The following PRRC2A variants were observed in gnomAD, a reference collection of about 807,000 sequenced individuals.
The protein encoded by PRRC2A is proline rich coiled-coil 2A.
Under a neutral mutation model 224.6 loss-of-function variants are expected in PRRC2A, and 59 were observed. That is an observed-to-expected ratio of 0.26 (90% confidence interval 0.21 to 0.33). The LOEUF is 0.33. PRRC2A is among the 10% of genes least tolerant of loss of function. The probability of loss-of-function intolerance (pLI) is 1.00; values close to 1 mark genes in which losing one functional copy is unlikely to be tolerated. For missense variants in PRRC2A, 3,095 were observed against 2,880.7 expected (o/e 1.07, Z -1.70); for synonymous variants, 1,194 against 1,109.5 (o/e 1.08, Z -1.51).
intron 15 of PRRC2A, 23 bp downstream of exon 15, chr6:31,630,824 G>GGGTGAGTTT: frequency 6.2e-7 from 1 of 1,611,250 alleles, no homozygotes; most frequent in Non-Finnish European, 8.5e-7. Flanking sequence ...CATGAGAAAT[G>GGGTGAGTTT]GGTGAGTTCA....
In PRRC2A at chr6:31,636,204, T is replaced by C; in HGVS notation, c.5625-5T>C. 2 of 1,611,592 alleles carry C rather than the reference T, an allele frequency of 1.2e-6. No homozygotes were observed. The highest frequency in any genetic ancestry group is 1.7e-5 in the Admixed American group (1 of 60,004). ...ACAGCTTTTCTCCCCACAATTTATT[T>C]TCAGATCACAGCCCCTATACCTACC... On this transcript the variant is annotated splice_region_variant and splice_polypyrimidine_tract_variant and intron_variant, in intron 25 of 30. Transcript: ENST00000376033. The surrounding 1 kb of genome is among the most constrained non-coding windows in gnomAD (Gnocchi z 4.3).
chr6:31,630,844 G>A (rs1395896591), intron 15 of PRRC2A, 43 bp downstream of exon 15: 2 of 1,599,592 alleles, frequency 1.3e-6, no homozygotes. Flanking sequence ...ACAGTGAAAG[G>A]ATCTAGGCCT....
intron 13 of PRRC2A, 66 bp downstream of exon 13, chr6:31,629,400 C>T: frequency 4.0e-6 from 6 of 1,511,732 alleles, no homozygotes; most frequent in Non-Finnish European, 5.3e-6. Context: ...TAATTCTCTT[C>T]ATAAGTTACC....
intron 5 of PRRC2A, chr6:31,624,963 A>T (rs1165614040): frequency 3.3e-6 from 2 of 599,126 alleles, no homozygotes; most frequent in Non-Finnish European, 5.8e-6. Flanking sequence ...ACACCCAGCT[A>T]ATTTTTTGTG....
At chr6:31,633,803 A>T in intron 17 of PRRC2A, 56 bp from the exon 18 acceptor site, 1 of 1,543,700 alleles carries the variant, frequency 6.5e-7, no homozygotes, top group Non-Finnish European at 8.7e-7. Context: ...GTAGAGAGGA[A>T]AAGTTAGGGT....
Position 31,632,626 on chromosome 6 carries a change from A to T in PRRC2A, c.3953A>T (p.Asn1318Ile), listed in dbSNP as rs1458272312. Residue 1318 changes from asparagine (N) to isoleucine (I), a missense_variant, in exon 16 of 31, where the codon AAT becomes ATT. By Grantham distance (149) the Asn-to-Ile change is moderately radical (BLOSUM62 -3). Around this residue, in one of 8 missense-constraint regions of PRRC2A, gnomAD observed 2,001 missense variants for 1,764.9 expected, o/e 1.13. Transcript: ENST00000376033. ...DLSNQNSDQANEEWETASESS... is the reference protein window; with the variant it reads ...DLSNQNSDQAIEEWETASESS... ...TCAAACCAGAACTCAGACCAAGCCA[A>T]TGAGGAATGGGAGACTGCATCAGAG... The T allele has an allele frequency of 6.2e-7, 1 of 1,613,084 alleles. No individual in the cohort carries two copies. The highest frequency in any genetic ancestry group is 8.5e-7 in the Non-Finnish European group (1 of 1,180,022).
intron 14 of PRRC2A, among the ~76,000 whole-genome samples, chr6:31,630,114 C>G (rs1482016982): frequency 6.6e-6 from 1 of 152,100 alleles, no homozygotes; most frequent in African/African-American, 2.4e-5. Context: ...TTCAGGAGTT[C>G]GAGACCACCA....
chr6:31,626,263 T>C, intron 9 of PRRC2A, 101 bp downstream of exon 9: 1 of 1,396,528 alleles, frequency 7.2e-7, no homozygotes, highest in Non-Finnish European at 9.8e-7. Context: ...GACATTGAAG[T>C]GTAGGAAGAC....
At position 31,636,916 on chromosome 6, in the gene PRRC2A, C is replaced by T; in HGVS notation, c.6118C>T (p.Pro2040Ser). Reference sequence around the variant, plus strand: ...TCGGGTGCTGCCTTCACCTGCCAGGCCCTTCCCCGCTAGCTTGGGGCGAGC... The same window carrying T: ...TCGGGTGCTGCCTTCACCTGCCAGGTCCTTCCCCGCTAGCTTGGGGCGAGC... ...ATRVLPSPAR[P>S]FPASLGRAEL... The change falls in exon 28 of 31, where the codon CCC (proline) becomes TCC (serine). Residue 2040 changes from proline to serine, a missense_variant. Around this residue, in one of 8 missense-constraint regions of PRRC2A, gnomAD observed 662 missense variants for 609.5 expected, o/e 1.09. Coordinates refer to ENST00000376033, the MANE Select transcript of PRRC2A (RefSeq NM_004638.4). The surrounding 1 kb of genome is among the most constrained non-coding windows in gnomAD (Gnocchi z 4.3). 4.3e-6 allele frequency: 7 copies of T among 1,612,996 alleles called. No individual in the cohort carries two copies. Among genetic ancestry groups the T allele is most frequent in the South Asian group, 1.1e-5 (1 of 91,080 alleles).
intron 20 of PRRC2A, 92 bp downstream of exon 20, chr6:31,634,649 C>T (rs34490239): frequency 0.011 from 17,856 of 1,573,216 alleles, 174 homozygotes; most frequent in South Asian, 0.037. Flanking sequence ...TGGAGCTGTT[C>T]TCTCACTTGG....
chr6:31,621,622 G>C (rs1775305013), intron 1 of PRRC2A, among the ~76,000 whole-genome samples: 1 of 151,928 alleles, frequency 6.6e-6, no homozygotes, highest in Non-Finnish European at 1.5e-5. Flanking sequence ...TCACAGATTG[G>C]CCTCCTCAAA....
At chr6:31,623,646 A>C (rs1775566856) in intron 2 of PRRC2A, 86 bp from the exon 3 acceptor site, 9 of 1,411,958 alleles carry the variant, frequency 6.4e-6, no homozygotes, top group Non-Finnish European at 8.8e-6. Flanking sequence ...TAAAATATTC[A>C]ACATGTATAA....
chr6:31,632,801 A>G lies in PRRC2A; in HGVS notation c.4128A>G (p.Arg1376=). 3 of 1,613,096 alleles carry G rather than the reference A, an allele frequency of 1.9e-6. No individual in the cohort carries two copies. The highest frequency in any genetic ancestry group is 2.5e-6 in the Non-Finnish European group (3 of 1,180,004). Residue 1376 remains arginine (R), a synonymous_variant, in exon 16 of 31, where the codon AGA becomes AGG. Transcript: ENST00000376033. ...SAMSRGDLSQ[R]AKDLSKRSFS... ...TGTCCCGCGGAGATCTGAGCCAGAG[A>G]GCCAAGGATTTGAGTAAACGGAGCT...
chr6:31,633,512 A>G lies in PRRC2A; in HGVS notation c.4453A>G (p.Ser1485Gly). ...GIQQALAQLS[S>G]RQGSVTAPGG... The stretch of plus-strand genomic sequence containing the variant: ...CCAACAGGCTCTGGCCCAGCTTAGT[A>G]GCCGTCAAGGGAGTGTAACTGCACC... The change falls in exon 17 of 31, where the codon AGC (serine) becomes GGC (glycine). Residue 1485 changes from serine to glycine, a missense_variant. This residue lies in a region of PRRC2A where 2,001 missense variants were observed against 1,764.9 expected (regional missense o/e 1.13). Transcript: ENST00000376033. 1.2e-6 allele frequency: 2 copies of G among 1,613,078 alleles called. No homozygotes were observed. The highest frequency in any genetic ancestry group is 1.7e-6 in the Non-Finnish European group (2 of 1,180,026).
At chr6:31,623,467 A>G (rs183555395) in intron 2 of PRRC2A, among the ~76,000 whole-genome samples, 37 of 152,054 alleles carry the variant, frequency 2.4e-4, no homozygotes, top group African/African-American at 8.4e-4. Context: ...GGGTTTCTCC[A>G]TTTTGGTCAA....
rs367642725 is a variant in PRRC2A, at chr6:31,623,916, A to C, written c.290+7A>C. ...AGCAGTCCGACCCCAAGAGGTAGACAGAGGCTTGGGGGACCTAGAGTGATG... is the reference window on the plus strand; with the variant it reads ...AGCAGTCCGACCCCAAGAGGTAGACCGAGGCTTGGGGGACCTAGAGTGATG... On this transcript the variant is annotated splice_region_variant and intron_variant, in intron 3 of 30. Coordinates refer to ENST00000376033, the MANE Select transcript of PRRC2A (RefSeq NM_004638.4). The C allele has an allele frequency of 1.0e-4, 169 of 1,613,792 alleles. No individual in the cohort carries two copies. The highest frequency in any genetic ancestry group is 5.8e-5 in the Non-Finnish European group (68 of 1,179,846).
At chr6:31,626,751 A>G (rs759295844) in intron 9 of PRRC2A, 21 bp from the exon 10 acceptor site, 9 of 1,557,528 alleles carry the variant, frequency 5.8e-6, no homozygotes, top group Admixed American at 3.9e-5. Context: ...TTGGGTTACT[A>G]ATACTCATAT....
chr6:31,620,752 G>C lies in PRRC2A; in HGVS notation c.-207G>C, dbSNP rs967304945. 1 of 152,060 alleles carries C rather than the reference G, an allele frequency of 6.6e-6. No homozygotes were observed. Among genetic ancestry groups the C allele is most frequent in the African/African-American group, 2.4e-5 (1 of 41,376 alleles). 9.4% of individuals were successfully genotyped at this position (152,060 alleles called of 1,614,324 possible). A position where few individuals can be genotyped will look rare whatever the true frequency, so the allele number is the denominator to read the frequency against. ...GCCGCGGAGTGAGCGAGGGAGACGG[G>C]AGGAGCCGAACCCGGCGCCATCCGC... is the stretch of plus-strand genomic sequence containing the variant. On this transcript the variant is annotated 5_prime_UTR_variant, in exon 1 of 31. Transcript: ENST00000376033.
At position 31,631,689 on chromosome 6, in the gene PRRC2A, G is replaced by C. The variant is rs768743190; in HGVS notation, c.3016G>C (p.Ala1006Pro). The change falls in exon 16 of 31, where the codon GCC (alanine) becomes CCC (proline). Residue 1006 changes from alanine (A) to proline (P), a missense_variant. Physicochemically the swap from Ala to Pro is conservative, Grantham distance 27. Around this residue, in one of 8 missense-constraint regions of PRRC2A, gnomAD observed 2,001 missense variants for 1,764.9 expected, o/e 1.13. Transcript: ENST00000376033. This position sits in a 1 kb window ranked among gnomAD's most constrained non-coding sequence, Gnocchi z 4.5. The part of the protein sequence containing the change: ...ETPPNGNLSP[A>P]PRLRRDYSYE... ...CCCACCCAATGGAAATCTTTCCCCTGCCCCAAGGCTTCGGAGGGACTATTC... is the reference window on the plus strand; with the variant it reads ...CCCACCCAATGGAAATCTTTCCCCTCCCCCAAGGCTTCGGAGGGACTATTC... 1.1e-5 allele frequency: 17 copies of C among 1,514,198 alleles called. No homozygotes were observed. In the East Asian group the frequency reaches 3.7e-4, roughly 33 times the overall value. 93.8% of individuals were successfully genotyped at this position (1,514,198 alleles called of 1,614,324 possible). A position where few individuals can be genotyped will look rare whatever the true frequency, so the allele number is the denominator to read the frequency against.
Sources: allele counts gnomAD v4.1 joint callset (sites outside exome capture counted in the v4.1 genomes callset), GRCh38; gene constraint gnomAD v4.1.1; regional missense constraint gnomAD v4.1.1; non-coding constraint Gnocchi (gnomAD v3.1); transcripts MANE v1.5; gene names NCBI Gene and HGNC (gene_info 2026-07-23, HGNC 2026-07-21).